The following SORBS2 variants were observed in gnomAD, a reference collection of about 807,000 sequenced individuals.
SORBS2 encodes the protein sorbin and SH3 domain-containing protein 2.
SORBS2 carries 46 observed loss-of-function variants against 97.7 expected under a neutral mutation model. That is an observed-to-expected ratio of 0.47 (90% CI 0.37 to 0.60). The LOEUF is 0.60. Among genes scored for constraint, SORBS2 ranks in the 20% least tolerant of loss-of-function variants. SORBS2 has a pLI of 0.00. For missense variants in SORBS2, 1,316 were observed against 1,282.3 expected (o/e 1.03, Z -0.40); for synonymous variants, 476 against 473.4 (o/e 1.01, Z -0.07).
chr4:185,718,277 C>G (rs2153557455), intron 2 of SORBS2, among the ~76,000 whole-genome samples: 1 of 152,036 alleles, frequency 6.6e-6, no homozygotes, highest in East Asian at 1.9e-4. Flanking sequence ...ATAGCTGGCG[C>G]AGAACAAATG....
intron 1 of SORBS2, among the ~76,000 whole-genome samples, chr4:185,951,525 G>C (rs2099277219): frequency 6.6e-6 from 1 of 152,142 alleles, no homozygotes; most frequent in African/African-American, 2.4e-5. Context: ...AGCCCTCCCT[G>C]ACATTGCACA....
At chr4:185,653,809 T>C (rs2097352108) in intron 1 of SORBS2, among the ~76,000 whole-genome samples, 1 of 152,212 alleles carries the variant, frequency 6.6e-6, no homozygotes, top group African/African-American at 2.4e-5. Context: ...GGCAAGATCT[T>C]ACCCCAACTC....
chr4:185,862,235 G>A (rs190733151), intron 1 of SORBS2, among the ~76,000 whole-genome samples: 1 of 152,364 alleles, frequency 6.6e-6, no homozygotes, highest in East Asian at 1.9e-4. Context: ...CGTGACTACA[G>A]ATCCGGTGTG....
chr4:185,816,839 C>T (rs571186473), intron 1 of SORBS2, among the ~76,000 whole-genome samples: 10 of 152,268 alleles, frequency 6.6e-5, no homozygotes, highest in Non-Finnish European at 1.0e-4. Context: ...ATGATAAGAA[C>T]GTAAACATCA....
intron 1 of SORBS2, chr4:185,656,497 T>G (rs2153466710): frequency 3.6e-6 from 2 of 559,472 alleles, no homozygotes; most frequent in Non-Finnish European, 6.1e-6. Context: ...CCTTATTGTC[T>G]TGGCTGCCCA....
At chr4:185,903,048 A>C (rs1416507110) in intron 1 of SORBS2, among the ~76,000 whole-genome samples, 1 of 152,230 alleles carries the variant, frequency 6.6e-6, no homozygotes, top group Non-Finnish European at 1.5e-5. Context: ...GTGAGTATTA[A>C]GTCCATGGAA....
At chr4:185,808,812 C>T (rs1324083598) in intron 1 of SORBS2, among the ~76,000 whole-genome samples, 1 of 152,172 alleles carries the variant, frequency 6.6e-6, no homozygotes, top group Non-Finnish European at 1.5e-5. Context: ...TAATCGGCTA[C>T]TAATCATCAT....
chr4:185,928,615 G>A lies in SORBS2; in HGVS notation c.-338+27581C>T, dbSNP rs141420776. The stretch of plus-strand genomic sequence containing the variant: ...GGCTGGAGTGCAGTGGCGCGATCTT[G>A]GCTCACTGCAAGCTCTGCCTCCTGG... On this transcript the variant is annotated intron_variant, in intron 1 of 20. Transcript: ENST00000284776. Among the ~76,000 whole-genome samples the A allele has an allele frequency of 4.3e-3, 657 of 152,072 alleles. 2 individuals are homozygous for A. Among genetic ancestry groups the A allele is most frequent in the African/African-American group, 0.015 (616 of 41,470 alleles).
intron 1 of SORBS2, among the ~76,000 whole-genome samples, chr4:185,933,953 C>T (rs1311600396): frequency 6.6e-6 from 1 of 152,176 alleles, no homozygotes; most frequent in East Asian, 1.9e-4. Context: ...CTATAGATGG[C>T]CTGCTAAGCT....
chr4:185,783,300 C>G (rs1246265473), intron 1 of SORBS2, among the ~76,000 whole-genome samples: 1 of 152,172 alleles, frequency 6.6e-6, no homozygotes, highest in Non-Finnish European at 1.5e-5. Flanking sequence ...ATATTTTCTG[C>G]GTTGTCTGTC....
At chr4:185,603,824 TC>T (rs1350609787) in intron 12 of SORBS2, among the ~76,000 whole-genome samples, 2 of 152,232 alleles carry the variant, frequency 1.3e-5, no homozygotes, top group African/African-American at 4.8e-5. Context: ...AGCGGAACTG[TC>T]AGCCTGCAAG....
In SORBS2 at chr4:185,684,581, A is replaced by C. The variant is rs62336104; in HGVS notation, c.-197-5759T>G. ...ATAACAAAAACGTGAATAGTTATTA[A>C]CACTCGCAGTTACTCAACCTATTTT... On this transcript the variant is annotated intron_variant, in intron 2 of 20. Coordinates refer to the SORBS2 transcript ENST00000284776. This position sits in a 1 kb window ranked among gnomAD's most constrained non-coding sequence, Gnocchi z 4.2. Among the ~76,000 whole-genome samples the C allele has an allele frequency of 0.16, 23,961 of 152,210 alleles. 2,150 individuals carry two copies. The highest frequency in any genetic ancestry group is 0.21 in the Middle Eastern group (61 of 294).
chr4:185,930,331 G>C (rs1046713301), intron 1 of SORBS2, among the ~76,000 whole-genome samples: 7 of 152,064 alleles, frequency 4.6e-5, no homozygotes, highest in African/African-American at 7.2e-5. Context: ...GAGTCTCACT[G>C]TCTCCCAGGC....
chr4:185,875,090 T>C (rs1039672388), intron 1 of SORBS2, among the ~76,000 whole-genome samples: 1 of 152,118 alleles, frequency 6.6e-6, no homozygotes, highest in Admixed American at 6.6e-5. Flanking sequence ...CAACTACTTG[T>C]TTTATAGAAC....
chr4:185,694,724 T>TTTTTTTTTTTG (rs2098149296), intron 2 of SORBS2, among the ~76,000 whole-genome samples: 1 of 148,042 alleles, frequency 6.8e-6, no homozygotes, highest in African/African-American at 2.5e-5. Context: ...TTCTTTTTTT[T>TTTTTTTTTTTG]GAGACGGAGT....
At chr4:185,894,024 T>C (rs545503811) in intron 1 of SORBS2, among the ~76,000 whole-genome samples, 1 of 152,278 alleles carries the variant, frequency 6.6e-6, no homozygotes, top group African/African-American at 2.4e-5. Context: ...TCCCTACAGA[T>C]GCAAATCTGC....
At chr4:185,944,029 T>C (rs972053177) in intron 1 of SORBS2, among the ~76,000 whole-genome samples, 2 of 152,260 alleles carry the variant, frequency 1.3e-5, no homozygotes, top group East Asian at 1.9e-4. Flanking sequence ...CTAATGGTAG[T>C]GCTTCAGAAA....
In SORBS2 at chr4:185,587,704, A is replaced by G. The variant is rs758745932; in HGVS notation, c.2954-16T>C. ...CTTGAGGTCCCTGAAAATAGAAGCG[A>G]GTCATGAAAGGGGGGTGACAACGAT... On this transcript the variant is annotated splice_polypyrimidine_tract_variant and intron_variant, in intron 14 of 14. Coordinates refer to ENST00000418609, the Ensembl canonical transcript of SORBS2. 1 of 1,601,130 alleles carries G rather than the reference A, an allele frequency of 6.2e-7. No individual in the cohort carries two copies.
intron 2 of SORBS2, among the ~76,000 whole-genome samples, chr4:185,767,670 A>C (rs1020747248): frequency 6.6e-6 from 1 of 152,120 alleles, no homozygotes; most frequent in Non-Finnish European, 1.5e-5. Context: ...TACACAGGGC[A>C]GTACTGACTG....
Sources: allele counts gnomAD v4.1 joint callset (sites outside exome capture counted in the v4.1 genomes callset), GRCh38; gene constraint gnomAD v4.1.1; non-coding constraint Gnocchi (gnomAD v3.1); transcripts MANE v1.5; gene names NCBI Gene and HGNC (gene_info 2026-07-23, HGNC 2026-07-21).